Variants in ARID4A observed in about 807,000 individuals in gnomAD.
ARID4A encodes the protein AT-rich interaction domain 4A, also known as AT-rich interactive domain-containing protein 4A.
A neutral mutation model predicts 148.6 loss-of-function variants in ARID4A; 39 were observed. The ratio of observed to expected loss-of-function variants is 0.26; its 90% CI spans 0.20 to 0.34. The LOEUF (loss-of-function observed/expected upper bound fraction) is 0.34, where lower values mean the gene tolerates loss of function less well. Ranked by LOEUF, ARID4A falls within the 10% of genes least tolerant of loss-of-function variation. The pLI is 1.00. For missense variants in ARID4A, 1,265 were observed against 1,449.1 expected, an observed-to-expected ratio of 0.87 and a Z score of 2.06; for synonymous variants, 475 against 481.2, an observed-to-expected ratio of 0.99 and a Z score of 0.17.
chr14:58,343,205 A>G (rs2034198328), intron 11 of ARID4A, among the ~76,000 whole-genome samples: 1 of 152,198 alleles, frequency 6.6e-6, no homozygotes, highest in African/African-American at 2.4e-5. Flanking sequence ...ACCTTCACTA[A>G]CTACTTTATA....
chr14:58,346,341 C>CCGCT, intron 12 of ARID4A, 70 bp from the exon 13 acceptor site: 1 of 1,098,124 alleles, frequency 9.1e-7, no homozygotes, highest in Non-Finnish European at 1.3e-6. Flanking sequence ...TAGAAATTGA[C>CCGCT]CGCTTTGTTT....
At position 58,323,631 on chromosome 14, in the gene ARID4A, C is replaced by A. The variant is rs747852841; in HGVS notation, c.582+14C>A. 1.9e-6 allele frequency: 3 copies of A among 1,603,980 alleles called. No individual in the cohort carries two copies. Among genetic ancestry groups the A allele is most frequent in the Admixed American group, 3.4e-5 (2 of 59,608 alleles). ...TATCCTGCTTTGGTAAGTAAAGTTTCTTTGCAGAGTTAATCAGCCGTCTAA... is the reference window on the plus strand; with the variant it reads ...TATCCTGCTTTGGTAAGTAAAGTTTATTTGCAGAGTTAATCAGCCGTCTAA... On this transcript the variant is annotated intron_variant, in intron 8 of 23. Transcript: ENST00000355431.
At chr14:58,304,877 A>G (rs759209104) in intron 3 of ARID4A, 67 bp from the exon 4 acceptor site, 2,075 of 1,287,392 alleles carry the variant, frequency 1.6e-3, no homozygotes, top group Non-Finnish European at 2.1e-3. Context: ...CATTATTGTT[A>G]TAGTGTTACT....
At chr14:58,353,410 G>A (rs1321425349) in intron 16 of ARID4A, 7 of 351,192 alleles carry the variant, frequency 2.0e-5, no homozygotes, top group South Asian at 1.7e-4. Flanking sequence ...ACAGATCATC[G>A]TTAACTGTGA....
In ARID4A at chr14:58,347,128, T is replaced by A; in HGVS notation, c.1172+11T>A. On this transcript the variant is annotated intron_variant, in intron 14 of 23. Transcript: ENST00000355431. ...AACTGCTTATAGAAAGTAAGTAGTA[T>A]AGTTTATTCATCAAAGAATATATAT... 1 of 1,362,082 alleles carries A rather than the reference T, an allele frequency of 7.3e-7. No individual in the cohort carries two copies. Among genetic ancestry groups the A allele is most frequent in the Non-Finnish European group, 1.0e-6 (1 of 988,116 alleles). The allele number at this position is 1,362,082 out of a possible 1,614,324, so 84.4% of individuals were successfully genotyped here. A position where few individuals can be genotyped will look rare whatever the true frequency, so the allele number is the denominator to read the frequency against.
Position 58,326,412 on chromosome 14 carries a change from G to A in ARID4A, c.583-1825G>A, listed in dbSNP as rs558387990. Among the ~76,000 whole-genome samples, 8 of 152,294 alleles carry A rather than the reference G, an allele frequency of 5.3e-5. No homozygotes were observed. The South Asian group carries it at 1.5e-3, about 28-fold the overall frequency. ...AGATCGCGCCACTGCACTCCAGCCTGGGCAACAAAGCAAGACTCTGTCTCA... is the reference window on the plus strand; with the variant it reads ...AGATCGCGCCACTGCACTCCAGCCTAGGCAACAAAGCAAGACTCTGTCTCA... On this transcript the variant is annotated intron_variant, in intron 8 of 23. Transcript: ENST00000355431.
chr14:58,299,783 T>C lies in ARID4A; in HGVS notation c.-57-15T>C. The C allele has an allele frequency of 1.2e-6, 2 of 1,607,490 alleles. No individual in the cohort carries two copies. The highest frequency in any genetic ancestry group is 1.7e-6 in the Non-Finnish European group (2 of 1,174,382). On this transcript the variant is annotated splice_polypyrimidine_tract_variant and intron_variant, in intron 1 of 23. Coordinates refer to ENST00000355431, the MANE Select transcript of ARID4A (RefSeq NM_002892.4). ...GACTGATTATGTCTGTGCCTGTCTT[T>C]CCCCCTCCCCATAGTTCTAGCGACT...
chr14:58,335,170 A>G (rs1336739538), intron 11 of ARID4A, among the ~76,000 whole-genome samples: 2 of 152,168 alleles, frequency 1.3e-5, no homozygotes, highest in Admixed American at 6.6e-5. Context: ...CTAACTTCTT[A>G]GAATGCTTGA....
chr14:58,329,522 A>T lies in ARID4A; in HGVS notation c.663-6A>T. The T allele has an allele frequency of 6.4e-7, 1 of 1,573,260 alleles. No homozygotes were observed. The highest frequency in any genetic ancestry group is 8.7e-7 in the Non-Finnish European group (1 of 1,144,042). ...TTGTTTTCCTCCCCTTCTTCTTGAT[A>T]ATTAGTTACTCTATAGCAAGAAAGG... On this transcript the variant is annotated splice_polypyrimidine_tract_variant and splice_region_variant and intron_variant, in intron 9 of 23. Transcript: ENST00000355431.
chr14:58,365,620 C>T lies in ARID4A; in HGVS notation c.3314C>T (p.Thr1105Ile). 1 of 1,612,218 alleles carries T rather than the reference C, an allele frequency of 6.2e-7. No individual in the cohort carries two copies. Among genetic ancestry groups the T allele is most frequent in the East Asian group, 2.2e-5 (1 of 44,800 alleles). Reference protein sequence around the residue: ...SAAAKNEKNGTGQSSDSEDLP... With the variant: ...SAAAKNEKNGIGQSSDSEDLP... ...GCAGCCAAAAATGAAAAGAATGGAA[C>T]AGGTTGGTGTCTTTCAATGCTAGCT... The change falls in exon 21 of 24, where the codon ACA becomes ATA. Residue 1105 changes from threonine to isoleucine, a missense_variant and splice_region_variant. Physicochemically the swap from Thr to Ile is moderately conservative, Grantham distance 89. This residue lies in a region of ARID4A where 666 missense variants were observed against 730.9 expected (regional missense o/e 0.91). Coordinates refer to ENST00000355431, the MANE Select transcript of ARID4A (RefSeq NM_002892.4).
intron 16 of ARID4A, among the ~76,000 whole-genome samples, chr14:58,352,394 A>G (rs960892995): frequency 7.2e-5 from 11 of 152,190 alleles, no homozygotes; most frequent in Admixed American, 6.5e-5. Flanking sequence ...TAGAATTTTA[A>G]ATATTTGGAC....
At chr14:58,338,432 C>T (rs748728408) in intron 11 of ARID4A, among the ~76,000 whole-genome samples, 6 of 152,190 alleles carry the variant, frequency 3.9e-5, no homozygotes, top group Non-Finnish European at 5.9e-5. Flanking sequence ...TGATGTACTC[C>T]TTGCAGTGCT....
rs951176740 is a variant in ARID4A, at chr14:58,359,269, G to C, written c.1938+53G>C. 2.0e-6 allele frequency: 3 copies of C among 1,505,908 alleles called. No homozygotes were observed. The Admixed American group carries it at 6.7e-5, about 34-fold the overall frequency. 93.3% of individuals were successfully genotyped at this position (1,505,908 alleles called of 1,614,324 possible). On this transcript the variant is annotated intron_variant, in intron 18 of 23. Coordinates refer to ENST00000355431, the MANE Select transcript of ARID4A (RefSeq NM_002892.4). ...AATATGTATAGGAATTATCCAAATT[G>C]TATTGTGTGTTTTTTAAGACTTTAA...
chr14:58,299,732 C>A, intron 1 of ARID4A, 66 bp from the exon 2 acceptor site: 3 of 1,393,850 alleles, frequency 2.2e-6, no homozygotes, highest in Non-Finnish European at 1.0e-6. Flanking sequence ...TGTTTACTTT[C>A]TTTCCCTTGG....
chr14:58,369,706 T>G (rs962078628), intron 23 of ARID4A, among the ~76,000 whole-genome samples: 3 of 151,872 alleles, frequency 2.0e-5, no homozygotes, highest in Non-Finnish European at 4.4e-5. Context: ...ATCAAGAGTC[T>G]TACATCCGAT....
chr14:58,337,267 T>TATATATATATATATATATATATATAA (rs1411261595), intron 11 of ARID4A, among the ~76,000 whole-genome samples: 1 of 137,746 alleles, frequency 7.3e-6, no homozygotes, highest in Admixed American at 7.3e-5. Context: ...TATATATATA[T>TATATATATATATATATATATATATAA]AATTAAAACC....
At chr14:58,321,956 G>GTT (rs5808970) in intron 7 of ARID4A, among the ~76,000 whole-genome samples, 14 of 130,312 alleles carry the variant, frequency 1.1e-4, no homozygotes, top group African/African-American at 1.6e-4. Context: ...TGTTGTTGTT[G>GTT]TTTTTTTTGG....
intron 11 of ARID4A, among the ~76,000 whole-genome samples, chr14:58,331,997 C>A (rs1280041463): frequency 8.6e-5 from 2 of 23,226 alleles, no homozygotes; most frequent in East Asian, 8.1e-4. Flanking sequence ...TTTTCCCTAC[C>A]CCCCCCCCCC....
chr14:58,364,946 G>A lies in ARID4A; in HGVS notation c.2857G>A (p.Gly953Arg), dbSNP rs776194454. ...KEDEDAMPLI[G>R]PETLVCHEVD... is the part of the protein sequence containing the mutation. The stretch of plus-strand genomic sequence containing the variant: ...AGATGAGGATGCAATGCCTCTGATC[G>A]GGCCTGAAACCTTGGTTTGCCATGA... Residue 953 changes from glycine (G) to arginine (R), a missense_variant, in exon 20 of 24, where the codon GGG becomes AGG. Physicochemically the swap from Gly to Arg is moderately radical, Grantham distance 125. This residue lies in a region of ARID4A where 666 missense variants were observed against 730.9 expected (regional missense o/e 0.91). Transcript: ENST00000355431. 3.7e-6 allele frequency: 6 copies of A among 1,614,010 alleles called. No individual in the cohort carries two copies. Among genetic ancestry groups the A allele is most frequent in the South Asian group, 1.1e-5 (1 of 91,070 alleles).
Sources: allele counts gnomAD v4.1 joint callset (sites outside exome capture counted in the v4.1 genomes callset), GRCh38; gene constraint gnomAD v4.1.1; regional missense constraint gnomAD v4.1.1; transcripts MANE v1.5; gene names NCBI Gene and HGNC (gene_info 2026-07-23, HGNC 2026-07-21).